LEPROTL1: variants seen among roughly 807,000 people sequenced by gnomAD.
LEPROTL1 encodes the protein leptin receptor overlapping transcript like 1.
Under a neutral mutation model 15.4 loss-of-function variants are expected in LEPROTL1, and 6 were observed. That is an observed-to-expected ratio of 0.39 (90% CI 0.21 to 0.77). The LOEUF (loss-of-function observed/expected upper bound fraction) is 0.77. LEPROTL1 is among the 30% of genes least tolerant of loss of function. LEPROTL1 has a pLI of 0.41. For missense variants in LEPROTL1, 128 were observed against 158.1 expected (o/e 0.81, Z 1.02); for synonymous variants, 56 against 52.6 (o/e 1.06, Z -0.28).
chr8:30,105,405 T>G (rs866328457), intron 3 of LEPROTL1, among the ~76,000 whole-genome samples: 22 of 152,144 alleles, frequency 1.4e-4, no homozygotes, highest in Non-Finnish European at 2.9e-4. Flanking sequence ...TTATGCTGCT[T>G]CTTCATAGCC....
intron 3 of LEPROTL1, among the ~76,000 whole-genome samples, chr8:30,115,230 C>A (rs549601093): frequency 6.6e-6 from 1 of 151,844 alleles, no homozygotes; most frequent in Non-Finnish European, 1.5e-5. Context: ...GATGTGGTGC[C>A]GCTGTGGTCC....
downstream of LEPROTL1, among the ~76,000 whole-genome samples, chr8:30,111,998 T>C (rs1009577507): frequency 2.0e-5 from 3 of 152,204 alleles, no homozygotes; most frequent in African/African-American, 7.2e-5. Flanking sequence ...GCTGATGAGT[T>C]GTGTGGAAGA....
At chr8:30,115,333 G>A (rs926106967) in intron 3 of LEPROTL1, among the ~76,000 whole-genome samples, 1 of 143,752 alleles carries the variant, frequency 7.0e-6, no homozygotes, top group African/African-American at 2.5e-5. Context: ...CTCCAGCCTG[G>A]GCAGCAGAGC....
chr8:30,122,545 C>T (rs183028231), intron 3 of LEPROTL1, among the ~76,000 whole-genome samples: 75 of 152,312 alleles, frequency 4.9e-4, no homozygotes, highest in African/African-American at 1.7e-3. Flanking sequence ...AATCCCAACA[C>T]TTTGGGAGGC....
intron 4 of LEPROTL1, chr8:30,132,881 TG>T (rs1563220791): frequency 1.3e-6 from 2 of 1,532,038 alleles, no homozygotes; most frequent in Middle Eastern, 1.7e-4. Flanking sequence ...GTCAAGAGCA[TG>T]AGAGAAGAAA....
At chr8:30,102,343 G>C (rs961201445) in intron 2 of LEPROTL1, among the ~76,000 whole-genome samples, 1 of 115,224 alleles carries the variant, frequency 8.7e-6, no homozygotes, top group Non-Finnish European at 1.9e-5. Context: ...TAAAAAAAAA[G>C]AGAGAGATGT....
At chr8:30,130,667 T>G (rs1390244013) in intron 3 of LEPROTL1, among the ~76,000 whole-genome samples, 3 of 152,206 alleles carry the variant, frequency 2.0e-5, no homozygotes, top group Non-Finnish European at 2.9e-5. Context: ...CAGCTGTGTA[T>G]TTAACAATTA....
chr8:30,119,450 T>C (rs1443040495), intron 3 of LEPROTL1, among the ~76,000 whole-genome samples: 1 of 152,226 alleles, frequency 6.6e-6, no homozygotes, highest in Non-Finnish European at 1.5e-5. Flanking sequence ...AGTGTTAGGA[T>C]TATAGGCGTG....
In LEPROTL1 at chr8:30,106,505, T is replaced by C. The variant is rs959773395; in HGVS notation, c.*643T>C. The C allele has an allele frequency of 1.0e-6, 1 of 985,742 alleles. No individual in the cohort carries two copies. Among genetic ancestry groups the C allele is most frequent in the Non-Finnish European group, 1.2e-6 (1 of 829,908 alleles). The allele number at this position is 985,742 out of a possible 1,614,324, so 61.1% of individuals were successfully genotyped here. ...CAGATGTTTTGTGGATTGAAAATTA[T>C]TTTATGGAATTGCTACAGAGGAGTG... is the stretch of plus-strand genomic sequence containing the variant. On this transcript the variant is annotated 3_prime_UTR_variant, in exon 4 of 4. Transcript: ENST00000321250.
Position 30,105,811 on chromosome 8 carries a change from C to T in LEPROTL1, c.345C>T (p.Gly115=). ...GNTVIFATIL[G]FFLVFGSNDD... is the part of the protein sequence containing the mutation. ...CAGTCATCTTTGCAACTATACTAGG[C>T]TTTTTCTTGGTCTTTGGAAGCAATG... Residue 115 remains glycine, a synonymous_variant, in exon 4 of 4, where the codon GGC becomes GGT. Coordinates refer to ENST00000321250, the MANE Select transcript of LEPROTL1 (RefSeq NM_015344.3). 3.2e-6 allele frequency: 5 copies of T among 1,574,466 alleles called. No homozygotes were observed. Among genetic ancestry groups the T allele is most frequent in the African/African-American group, 2.8e-5 (2 of 72,072 alleles).
exon 4 of LEPROTL1, chr8:30,132,429 C>T: frequency 6.4e-7 from 1 of 1,551,768 alleles, no homozygotes; most frequent in South Asian, 1.2e-5. Context: ...TCTGACCAAG[C>T]TCAGGCCCAA....
intron 3 of LEPROTL1, among the ~76,000 whole-genome samples, chr8:30,126,427 T>C (rs1184086886): frequency 1.3e-5 from 2 of 152,256 alleles, no homozygotes; most frequent in Admixed American, 6.5e-5. Context: ...ATTTGAACTT[T>C]AGGAGACACG....
chr8:30,136,124 A>C (rs929587436), intron 4 of LEPROTL1, among the ~76,000 whole-genome samples: 1 of 152,102 alleles, frequency 6.6e-6, no homozygotes, highest in Non-Finnish European at 1.5e-5. Flanking sequence ...TTCACTCTCT[A>C]TTATGGACTG....
intron 3 of LEPROTL1, among the ~76,000 whole-genome samples, chr8:30,126,680 A>C (rs1007344077): frequency 6.6e-6 from 1 of 152,204 alleles, no homozygotes; most frequent in Non-Finnish European, 1.5e-5. Context: ...ACAACTGTCT[A>C]CAGATTAAGA....
chr8:30,116,113 T>C (rs1563216756), intron 3 of LEPROTL1, among the ~76,000 whole-genome samples: 1 of 152,068 alleles, frequency 6.6e-6, no homozygotes, highest in Admixed American at 6.6e-5. Context: ...TGGTGGCACA[T>C]GCCTGTGGTC....
At chr8:30,096,043 C>G (rs1802359047) in intron 1 of LEPROTL1, among the ~76,000 whole-genome samples, 1 of 152,156 alleles carries the variant, frequency 6.6e-6, no homozygotes, top group Non-Finnish European at 1.5e-5. Context: ...CCGCCCGCGC[C>G]CGAGGCTTTA....
intron 3 of LEPROTL1, among the ~76,000 whole-genome samples, chr8:30,115,679 C>A (rs948610858): frequency 6.8e-6 from 1 of 147,224 alleles, no homozygotes; most frequent in African/African-American, 2.5e-5. Flanking sequence ...AATATATAAA[C>A]AGGCAATTTC....
intron 3 of LEPROTL1, among the ~76,000 whole-genome samples, chr8:30,118,019 G>GGTGGTTTTTTTTTTTTTTTTTTTTT (rs751348725): frequency 7.5e-5 from 2 of 26,786 alleles, no homozygotes; most frequent in Non-Finnish European, 8.4e-5. Context: ...TTTTTGATTT[G>GGTGGTTTTTTTTTTTTTTTTTTTTT]TTTTTTTTTT....
In LEPROTL1 at chr8:30,106,160, T is replaced by G. The variant is rs954486234; in HGVS notation, c.*298T>G. 11 of 996,730 alleles carry G rather than the reference T, an allele frequency of 1.1e-5. No individual in the cohort carries two copies. The Admixed American group carries it at 1.8e-4, about 16-fold the overall frequency. 61.7% of individuals were successfully genotyped at this position (996,730 alleles called of 1,614,324 possible). A position where few individuals can be genotyped will look rare whatever the true frequency, so the allele number is the denominator to read the frequency against. On this transcript the variant is annotated 3_prime_UTR_variant, in exon 4 of 4. Coordinates refer to ENST00000321250, the MANE Select transcript of LEPROTL1 (RefSeq NM_015344.3). Reference sequence around the variant, plus strand: ...TTTTTCCTGTTAGGTTGATTTTTTTTGGAATCAATATGCAATGTTAAACAC... The same window carrying G: ...TTTTTCCTGTTAGGTTGATTTTTTTGGGAATCAATATGCAATGTTAAACAC...
Sources: allele counts gnomAD v4.1 joint callset (sites outside exome capture counted in the v4.1 genomes callset), GRCh38; gene constraint gnomAD v4.1.1; transcripts MANE v1.5; gene names NCBI Gene and HGNC (gene_info 2026-07-23, HGNC 2026-07-21).